Variants in DRC7 observed in about 807,000 individuals in gnomAD.
The protein encoded by DRC7 is dynein regulatory complex subunit 7.
Under a neutral mutation model 104.4 loss-of-function variants are expected in DRC7, and 80 were observed. The observed-to-expected ratio is 0.77, with a 90% CI of 0.64 to 0.92. The LOEUF (loss-of-function observed/expected upper bound fraction) is 0.92. Among genes scored for constraint, DRC7 ranks in the 40% least tolerant of loss-of-function variants. The probability of loss-of-function intolerance (pLI) is 0.00; values close to 1 mark genes in which losing one functional copy is unlikely to be tolerated. For synonymous variants in DRC7, 405 were observed against 447.3 expected (o/e 0.91, Z 1.19); for missense variants, 1,034 against 1,141.1 (o/e 0.91, Z 1.35).
In DRC7 at chr16:57,698,169, G is replaced by T; in HGVS notation, c.203+17G>T. ...GGAGCTCCCGTGAGTGTGGCAGGGT[G>T]GGGGCCCTGGCAAGGGTAGACCGGG... On this transcript the variant is annotated intron_variant, in intron 3 of 18. Coordinates refer to ENST00000360716, the MANE Select transcript of DRC7 (RefSeq NM_001289162.2). 3.7e-6 allele frequency: 6 copies of T among 1,613,634 alleles called. No homozygotes were observed. Among genetic ancestry groups the T allele is most frequent in the Non-Finnish European group, 5.1e-6 (6 of 1,179,924 alleles).
At chr16:57,727,220 C>G (rs1474911631) in intron 15 of DRC7, 79 bp from the exon 16 acceptor site, 2 of 1,195,814 alleles carry the variant, frequency 1.7e-6, no homozygotes, top group African/African-American at 1.5e-5. Flanking sequence ...ATCTGCCCTC[C>G]TTGGCTTCCC....
chr16:57,718,266 C>T, intron 8 of DRC7, 81 bp from the exon 9 acceptor site: 1 of 1,539,598 alleles, frequency 6.5e-7, no homozygotes, highest in Non-Finnish European at 8.8e-7. Context: ...CCCGGAGTAG[C>T]CATCTCCCAA....
rs566488650 is a variant in DRC7 at position 57,713,220 on chromosome 16, G to A, written c.1078-5127G>A. 6.0e-4 allele frequency among the ~76,000 whole-genome samples: 91 copies of A among 152,248 alleles called. No individual in the cohort carries two copies. In the Middle Eastern group the frequency reaches 0.027, roughly 46 times the overall value. On this transcript the variant is annotated intron_variant, in intron 8 of 18. Coordinates refer to ENST00000360716, the MANE Select transcript of DRC7 (RefSeq NM_001289162.2). Reference sequence around the variant, plus strand: ...AAGAATGTGTATTTTGCTGTTGGGTGGAATGTTCTATAAATGTCAATAATC... The same window carrying A: ...AAGAATGTGTATTTTGCTGTTGGGTAGAATGTTCTATAAATGTCAATAATC...
At chr16:57,695,054 G>A (rs2048579102) in intron 1 of DRC7, among the ~76,000 whole-genome samples, 1 of 152,006 alleles carries the variant, frequency 6.6e-6, no homozygotes, top group Admixed American at 6.5e-5. Flanking sequence ...CGGTGGGTTG[G>A]GGCAGAATCT....
chr16:57,721,610 C>A (rs2048903291), intron 9 of DRC7, 57 bp from the exon 10 acceptor site: 1 of 1,375,858 alleles, frequency 7.3e-7, no homozygotes, highest in Non-Finnish European at 1.0e-6. Flanking sequence ...TTGACCATAA[C>A]TTCTGCTTCA....
chr16:57,706,450 T>C (rs1473222520), intron 7 of DRC7, among the ~76,000 whole-genome samples: 108 of 66,212 alleles, frequency 1.6e-3, no homozygotes, highest in Middle Eastern at 0.031. Flanking sequence ...ATCCTCCCAT[T>C]TCTCCTCCCA....
Position 57,724,808 on chromosome 16 carries a change from T to C in DRC7, c.1731T>C (p.Ser577=). 6.2e-7 allele frequency: 1 copy of C among 1,613,586 alleles called. No individual in the cohort carries two copies. Among genetic ancestry groups the C allele is most frequent in the South Asian group, 1.1e-5 (1 of 91,070 alleles). The change falls in exon 13 of 19, where the codon AGT becomes AGC. Residue 577 remains serine, a synonymous_variant. Coordinates refer to ENST00000360716, the MANE Select transcript of DRC7 (RefSeq NM_001289162.2). ...GAGTCAAGAAGCTCACTCTGAGCAGTGCAGAGTCAAACCCCCGGCCCATTG... is the reference window on the plus strand; with the variant it reads ...GAGTCAAGAAGCTCACTCTGAGCAGCGCAGAGTCAAACCCCCGGCCCATTG... ...GPRVKKLTLS[S]AESNPRPIVK...
chr16:57,721,410 C>T (rs2048900618), intron 9 of DRC7, among the ~76,000 whole-genome samples: 1 of 152,154 alleles, frequency 6.6e-6, no homozygotes, highest in Non-Finnish European at 1.5e-5. Flanking sequence ...AGAAACACCT[C>T]TCTAATCACG....
Position 57,724,597 on chromosome 16 carries a change from C to T in DRC7, c.1538-18C>T. 1.9e-6 allele frequency: 3 copies of T among 1,583,086 alleles called. No homozygotes were observed. The highest frequency in any genetic ancestry group is 2.6e-6 in the Non-Finnish European group (3 of 1,159,068). ...TGCTTATGAAGCTGTCTCCTCCCAA[C>T]TCCCGCTCCCCACCCAGTGCACTCG... On this transcript the variant is annotated intron_variant, in intron 12 of 18. Transcript: ENST00000360716.
chr16:57,710,057 G>A (rs570814907), intron 8 of DRC7, among the ~76,000 whole-genome samples: 3 of 152,190 alleles, frequency 2.0e-5, no homozygotes, highest in South Asian at 2.1e-4. Flanking sequence ...CCACTGTCCC[G>A]GGCCCCAAAA....
At chr16:57,707,316 A>C in intron 7 of DRC7, 144 bp from the exon 8 acceptor site, 1 of 670,212 alleles carries the variant, frequency 1.5e-6, no homozygotes, top group South Asian at 1.9e-5. Flanking sequence ...GGGAGGGGAG[A>C]TGGGCCGTCA....
intron 16 of DRC7, among the ~76,000 whole-genome samples, chr16:57,727,851 C>G (rs1186412149): frequency 1.3e-5 from 2 of 152,222 alleles, no homozygotes; most frequent in Non-Finnish European, 2.9e-5. Flanking sequence ...TCCCTTTCAC[C>G]AACCAAGTTG....
chr16:57,701,700 C>G (rs2048659706), intron 5 of DRC7: 1 of 519,514 alleles, frequency 1.9e-6, no homozygotes, highest in Non-Finnish European at 3.5e-6. Context: ...AGGTTTCCCC[C>G]TATCAGGAAG....
At chr16:57,701,781 G>A (rs1180633262) in intron 5 of DRC7, 155 bp from the exon 6 acceptor site, 2 of 607,424 alleles carry the variant, frequency 3.3e-6, no homozygotes, top group East Asian at 2.8e-5. Context: ...TTCTTAGCAG[G>A]CTCCCTGACC....
chr16:57,713,078 C>T (rs975404821), intron 8 of DRC7, among the ~76,000 whole-genome samples: 4 of 152,114 alleles, frequency 2.6e-5, no homozygotes, highest in African/African-American at 9.7e-5. Context: ...GAGAATATAA[C>T]TTGGTATGAC....
intron 8 of DRC7, among the ~76,000 whole-genome samples, chr16:57,710,099 A>G (rs2048777887): frequency 6.6e-6 from 1 of 152,202 alleles, no homozygotes; most frequent in African/African-American, 2.4e-5. Context: ...TACTGGATCC[A>G]TAGATCAATT....
In DRC7 at chr16:57,707,566, C is replaced by T. The variant is rs1311408339; in HGVS notation, c.965C>T (p.Pro322Leu). Residue 322 changes from proline (P) to leucine (L), a missense_variant, in exon 8 of 19, where the codon CCA (proline) becomes CTA (leucine). Coordinates refer to ENST00000360716, the MANE Select transcript of DRC7 (RefSeq NM_001289162.2). ...GTGCCTGAGAACTTCTTCATCGACC[C>T]ATTCACAGGACATAGCTACAGCACC... ...REVPENFFID[P>L]FTGHSYSTQD... The T allele has an allele frequency of 6.2e-7, 1 of 1,613,488 alleles. No homozygotes were observed. The highest frequency in any genetic ancestry group is 8.5e-7 in the Non-Finnish European group (1 of 1,180,030).
chr16:57,716,073 T>C (rs2048840105), intron 8 of DRC7, among the ~76,000 whole-genome samples: 1 of 152,246 alleles, frequency 6.6e-6, no homozygotes, highest in Non-Finnish European at 1.5e-5. Context: ...AAACGTACCC[T>C]GGGCACATGG....
chr16:57,702,263 C>T, intron 6 of DRC7, 133 bp downstream of exon 6: 1 of 810,256 alleles, frequency 1.2e-6, no homozygotes. Flanking sequence ...TCCCTCACCA[C>T]CAGCCCTTCC....
Sources: gnomAD v4.1 joint callset for allele counts (sites outside exome capture counted in the v4.1 genomes callset) on GRCh38, gnomAD v4.1.1 for gene constraint, MANE v1.5 for transcripts, NCBI Gene and HGNC (gene_info 2026-07-23, HGNC 2026-07-21) for gene names.